The following CDK12 variants were observed in gnomAD, a reference collection of about 807,000 sequenced individuals.
CDK12 encodes cyclin-dependent kinase 12.
A neutral mutation model predicts 133.8 loss-of-function variants in CDK12; 17 were observed. That is an observed-to-expected ratio of 0.13 (90% CI 0.09 to 0.19). The LOEUF (loss-of-function observed/expected upper bound fraction) is 0.19. Among genes scored for constraint, CDK12 ranks in the 10% least tolerant of loss-of-function variants. CDK12 has a pLI of 1.00. For missense variants in CDK12, 1,508 were observed against 1,818.7 expected (o/e 0.83, Z 3.11); for synonymous variants, 694 against 683.6 (o/e 1.02, Z -0.24).
chr17:39,493,304 T>TTTTTTA (rs2051797626), intron 4 of CDK12, among the ~76,000 whole-genome samples: 1 of 148,610 alleles, frequency 6.7e-6, no homozygotes, highest in Admixed American at 6.7e-5. Flanking sequence ...CGCCAGGCCT[T>TTTTTTA]TTTTTATTTT....
chr17:39,476,474 G>A (rs1490518024), intron 2 of CDK12, among the ~76,000 whole-genome samples: 2 of 151,640 alleles, frequency 1.3e-5, no homozygotes, highest in East Asian at 1.9e-4. Flanking sequence ...AGGCTGGAGT[G>A]CAGTGATGTG....
chr17:39,485,677 G>A (rs1484560087), intron 2 of CDK12, among the ~76,000 whole-genome samples: 1 of 151,480 alleles, frequency 6.6e-6, no homozygotes, highest in Non-Finnish European at 1.5e-5. Flanking sequence ...CCCCTAAAGT[G>A]CTGGGATTAT....
intron 1 of CDK12, among the ~76,000 whole-genome samples, chr17:39,465,584 T>A (rs2049250002): frequency 6.6e-6 from 1 of 152,058 alleles, no homozygotes; most frequent in African/African-American, 2.4e-5. Context: ...CCTCTCGGGT[T>A]CAAGCTATTC....
intron 11 of CDK12, among the ~76,000 whole-genome samples, chr17:39,523,282 T>C (rs2054293408): frequency 6.6e-6 from 1 of 152,050 alleles, no homozygotes; most frequent in African/African-American, 2.4e-5. Flanking sequence ...GAGACCAGTT[T>C]GGCCAACATA....
At chr17:39,483,750 A>C (rs1417001104) in intron 2 of CDK12, among the ~76,000 whole-genome samples, 1 of 150,192 alleles carries the variant, frequency 6.7e-6, no homozygotes, top group East Asian at 1.9e-4. Context: ...GCGGATTCTT[A>C]CTCTCATGAT....
At chr17:39,498,951 C>CT (rs1207516772) in intron 5 of CDK12, among the ~76,000 whole-genome samples, 1 of 66 alleles carries the variant, frequency 0.015, no homozygotes, top group Non-Finnish European at 0.025. Context: ...TTCTTTCTTT[C>CT]TTTCTTTCTT....
intron 6 of CDK12, among the ~76,000 whole-genome samples, chr17:39,507,403 A>G (rs1804052601): frequency 1.3e-5 from 2 of 151,458 alleles, no homozygotes; most frequent in Non-Finnish European, 1.5e-5. Flanking sequence ...CCTGACCAAC[A>G]TGGAGAAACC....
chr17:39,567,412 T>G (rs1374608180), downstream of CDK12: 1 of 152,270 alleles, frequency 6.6e-6, no homozygotes, highest in African/African-American at 2.4e-5. Context: ...ATGATCCTAG[T>G]TTCATTGGAT....
chr17:39,554,770 T>C (rs2056085913), intron 2 of CDK12, among the ~76,000 whole-genome samples: 1 of 151,908 alleles, frequency 6.6e-6, no homozygotes, highest in African/African-American at 2.4e-5. Context: ...TCCCAGCTAC[T>C]CAGGAGGCTG....
intron 10 of CDK12, among the ~76,000 whole-genome samples, chr17:39,517,793 A>T (rs554093150): frequency 3.3e-5 from 5 of 152,188 alleles, no homozygotes; most frequent in Non-Finnish European, 7.3e-5. Context: ...ATTTTCTCAT[A>T]GCCTTCTTGA....
chr17:39,559,575 CA>C (rs1264698222), intron 3 of CDK12, among the ~76,000 whole-genome samples: 1 of 152,150 alleles, frequency 6.6e-6, no homozygotes. Context: ...TAATGTAGTA[CA>C]TAACTTTTTA....
intron 3 of CDK12, among the ~76,000 whole-genome samples, chr17:39,559,440 C>T (rs1396642942): frequency 6.6e-6 from 1 of 152,188 alleles, no homozygotes; most frequent in Admixed American, 6.5e-5. Context: ...AGTTCTAACA[C>T]AACAAGAATT....
intron 4 of CDK12, among the ~76,000 whole-genome samples, chr17:39,493,169 T>TTG (rs1362745894): frequency 5.5e-4 from 82 of 150,148 alleles, no homozygotes; most frequent in Admixed American, 2.6e-3. Flanking sequence ...AATTTTTGTT[T>TTG]TTTTTTTTTT....
chr17:39,524,621 C>A, intron 11 of CDK12, 53 bp from the exon 12 acceptor site: 1 of 1,437,904 alleles, frequency 7.0e-7, no homozygotes, highest in Non-Finnish European at 9.8e-7. Context: ...CTCCTCCATT[C>A]ATTCACTGCT....
At chr17:39,559,857 T>TAAA (rs56017248) in intron 3 of CDK12, among the ~76,000 whole-genome samples, 2 of 133,968 alleles carry the variant, frequency 1.5e-5, no homozygotes, top group African/African-American at 2.8e-5. Flanking sequence ...GAAAAAATGT[T>TAAA]AAAAAAAAAA....
In CDK12 at chr17:39,489,828, T is replaced by G. The variant is rs1253010357; in HGVS notation, c.1932-729T>G. On this transcript the variant is annotated intron_variant, in intron 2 of 13. Transcript: ENST00000447079. ...TTTTTTTTTTAATTTTTTGTAGTGA[T>G]GGAGTCTCACTGTGTTTTCCAGGGT... 4.1e-5 allele frequency among the ~76,000 whole-genome samples: 6 copies of G among 145,314 alleles called. No homozygotes were observed. In the Admixed American group the frequency reaches 4.2e-4, roughly 10 times the overall value.
In CDK12 at chr17:39,462,930, T is replaced by C. The variant is rs762770417; in HGVS notation, c.859T>C (p.Ser287Pro). 2.5e-6 allele frequency: 4 copies of C among 1,614,122 alleles called. No homozygotes were observed. In the South Asian group the frequency reaches 4.4e-5, roughly 18 times the overall value. The change falls in exon 1 of 14, where the codon TCC (serine) becomes CCC (proline). Residue 287 changes from serine to proline, a missense_variant. Transcript: ENST00000447079. ...PPYKEPSAYQ[S>P]STRSPSPYSR... is the part of the protein sequence containing the mutation. ...TTACAAGGAGCCTTCGGCCTACCAG[T>C]CCAGCACCCGGTCACCGAGCCCCTA...
chr17:39,475,677 C>T (rs1165345591), intron 2 of CDK12, among the ~76,000 whole-genome samples: 1 of 150,966 alleles, frequency 6.6e-6, no homozygotes, highest in Non-Finnish European at 1.5e-5. Flanking sequence ...TCCCGAGTGG[C>T]TAGGATTACA....
chr17:39,472,050 C>G (rs1311704181), intron 2 of CDK12, among the ~76,000 whole-genome samples: 3 of 152,118 alleles, frequency 2.0e-5, no homozygotes, highest in South Asian at 2.1e-4. Flanking sequence ...GTGGCGTCAT[C>G]TCAGCTTACT....
Sources: allele counts gnomAD v4.1 joint callset (sites outside exome capture counted in the v4.1 genomes callset), GRCh38; gene constraint gnomAD v4.1.1; transcripts MANE v1.5; gene names NCBI Gene and HGNC (gene_info 2026-07-23, HGNC 2026-07-21).